The following COL25A1 variants were observed in gnomAD, a reference collection of about 807,000 sequenced individuals.
COL25A1 encodes collagen type XXV alpha 1 chain.
A neutral mutation model predicts 128.4 loss-of-function variants in COL25A1; 103 were observed. The ratio of observed to expected loss-of-function variants is 0.80; its 90% confidence interval spans 0.68 to 0.94. COL25A1 has a LOEUF of 0.94. COL25A1 is among the 40% of genes least tolerant of loss of function. COL25A1 has a pLI of 0.00. For missense variants in COL25A1, 745 were observed against 840.0 expected, an observed-to-expected ratio of 0.89 and a Z score of 1.40; for synonymous variants, 279 against 277.2, an observed-to-expected ratio of 1.01 and a Z score of -0.06.
At chr4:109,276,973 C>T (rs1722911467) in intron 3 of COL25A1, among the ~76,000 whole-genome samples, 1 of 152,142 alleles carries the variant, frequency 6.6e-6, no homozygotes, top group African/African-American at 2.4e-5. Context: ...TAAATGTTTC[C>T]ATTCTCTTCT....
intron 28 of COL25A1, 33 bp downstream of exon 28, chr4:108,846,104 TAA>T: frequency 7.5e-7 from 1 of 1,338,804 alleles, no homozygotes; most frequent in South Asian, 1.2e-5. Flanking sequence ...GAACATAATA[TAA>T]AAAGTATAAA....
At chr4:109,010,308 C>A (rs1413739537) in intron 6 of COL25A1, 50 bp downstream of exon 6, 4 of 1,474,500 alleles carry the variant, frequency 2.7e-6, no homozygotes, top group Non-Finnish European at 2.8e-6. Context: ...GACCTCCACA[C>A]TGGGAAAATC....
At chr4:109,102,237 G>A (rs976695809) in intron 3 of COL25A1, among the ~76,000 whole-genome samples, 1 of 151,952 alleles carries the variant, frequency 6.6e-6, no homozygotes, top group African/African-American at 2.4e-5. Flanking sequence ...TATACAGGTA[G>A]ATAAATATAT....
At chr4:109,087,034 C>G (rs1291267732) in intron 3 of COL25A1, among the ~76,000 whole-genome samples, 1 of 152,116 alleles carries the variant, frequency 6.6e-6, no homozygotes, top group African/African-American at 2.4e-5. Flanking sequence ...TGTGTGGGAT[C>G]CCTCCTACTC....
At chr4:109,012,666 C>T (rs1241778249) in intron 5 of COL25A1, among the ~76,000 whole-genome samples, 1 of 152,152 alleles carries the variant, frequency 6.6e-6, no homozygotes, top group Admixed American at 6.5e-5. Flanking sequence ...CACTGCTGGC[C>T]CGCCCGCACC....
chr4:108,851,345 T>C (rs1735758583), intron 26 of COL25A1, among the ~76,000 whole-genome samples: 1 of 152,104 alleles, frequency 6.6e-6, no homozygotes, highest in South Asian at 2.1e-4. Context: ...AATATTGTAA[T>C]TTATATTCCT....
intron 13 of COL25A1, among the ~76,000 whole-genome samples, chr4:108,914,437 T>C (rs1348291881): frequency 6.6e-6 from 1 of 152,276 alleles, no homozygotes; most frequent in East Asian, 1.9e-4. Flanking sequence ...ATGTGAAACA[T>C]GTGTTTCTCT....
chr4:109,251,677 T>C (rs953549498), intron 3 of COL25A1, among the ~76,000 whole-genome samples: 9 of 152,198 alleles, frequency 5.9e-5, no homozygotes, highest in African/African-American at 2.2e-4. Context: ...AGAAGCATTC[T>C]TCCTTTGGGA....
intron 3 of COL25A1, among the ~76,000 whole-genome samples, chr4:109,224,990 G>GTCA (rs1264362927): frequency 6.6e-6 from 1 of 152,040 alleles, no homozygotes; most frequent in African/African-American, 2.4e-5. Flanking sequence ...AAATACCTGA[G>GTCA]TCATACTCCC....
chr4:108,822,576 C>T (rs893833840), intron 35 of COL25A1, among the ~76,000 whole-genome samples: 4 of 151,922 alleles, frequency 2.6e-5, no homozygotes, highest in African/African-American at 7.3e-5. Flanking sequence ...GCCACCATGC[C>T]CCACCATATT....
rs1730596705 is a variant in COL25A1, at chr4:108,809,096, A to C, written c.*4831T>G. On this transcript the variant is annotated 3_prime_UTR_variant, in exon 38 of 38. Transcript: ENST00000399132. ...ACAGGTTTGTGCCATATTTACAGTGATAAGACACAACACATTCTTAGAATA... is the reference window on the plus strand; with the variant it reads ...ACAGGTTTGTGCCATATTTACAGTGCTAAGACACAACACATTCTTAGAATA... The C allele has an allele frequency of 6.6e-6, 1 of 152,162 alleles. No homozygotes were observed. The highest frequency in any genetic ancestry group is 2.4e-5 in the African/African-American group (1 of 41,430). The allele number at this position is 152,162 out of a possible 1,614,324, so 9.4% of individuals were successfully genotyped here.
At chr4:109,146,107 G>T (rs769767525) in intron 3 of COL25A1, among the ~76,000 whole-genome samples, 1 of 152,062 alleles carries the variant, frequency 6.6e-6, no homozygotes, top group Non-Finnish European at 1.5e-5. Flanking sequence ...AGTATCAAAA[G>T]AAATATTCAT....
In COL25A1 at chr4:109,127,939, G is replaced by T. The variant is rs1382543006; in HGVS notation, c.368-77760C>A. 3.3e-5 allele frequency among the ~76,000 whole-genome samples: 5 copies of T among 152,214 alleles called. No individual in the cohort carries two copies. The East Asian group carries it at 7.7e-4, about 24-fold the overall frequency. On this transcript the variant is annotated intron_variant, in intron 3 of 37. Transcript: ENST00000399132. ...TAAATTTTCAAAACTAATGAGAAAT[G>T]ACAGAGTTATTCTTTCCTATTGAGG...
chr4:109,013,307 C>T (rs558311917), intron 5 of COL25A1, among the ~76,000 whole-genome samples: 1 of 152,238 alleles, frequency 6.6e-6, no homozygotes, highest in South Asian at 2.1e-4. Context: ...TGTAAATACA[C>T]CAATCAGCAC....
At position 108,886,492 on chromosome 4, in the gene COL25A1, G is replaced by GTGTGTGTT. The variant is rs58157157; in HGVS notation, c.976-2271_976-2270insAACACACA. 4.1e-3 allele frequency among the ~76,000 whole-genome samples: 443 copies of GTGTGTGTT among 109,262 alleles called. 9 individuals carry two copies. The highest frequency in any genetic ancestry group is 0.011 in the East Asian group (44 of 4,052). The allele number at this position is 109,262 out of a possible 152,430, so 71.7% of individuals were successfully genotyped here. ...TGTGTGTGTGTGTGTGTGTGTGTGT[G>GTGTGTGTT]TTTAGCTCATCAGCTATTTTATGTG... is the stretch of plus-strand genomic sequence containing the variant. On this transcript the variant is annotated intron_variant, in intron 18 of 37. Coordinates refer to ENST00000399132, the MANE Select transcript of COL25A1 (RefSeq NM_198721.4).
At chr4:108,957,142 C>T (rs565906370) in intron 8 of COL25A1, among the ~76,000 whole-genome samples, 179 of 152,118 alleles carry the variant, frequency 1.2e-3, no homozygotes, top group Non-Finnish European at 1.8e-3. Flanking sequence ...TATCCAGGCC[C>T]ACCTGGATAA....
chr4:109,029,694 T>G (rs1266341703), intron 5 of COL25A1, among the ~76,000 whole-genome samples: 1 of 152,158 alleles, frequency 6.6e-6, no homozygotes, highest in Admixed American at 6.5e-5. Flanking sequence ...CTGAGGGTTT[T>G]GGAACATATC....
chr4:108,961,332 G>A (rs567367420), intron 8 of COL25A1, among the ~76,000 whole-genome samples: 2 of 152,220 alleles, frequency 1.3e-5, no homozygotes, highest in African/African-American at 4.8e-5. Flanking sequence ...AGTGAGAACT[G>A]AAATACGTTC....
chr4:109,225,953 T>A (rs1578488118), intron 3 of COL25A1, among the ~76,000 whole-genome samples: 1 of 151,668 alleles, frequency 6.6e-6, no homozygotes, highest in African/African-American at 2.4e-5. Flanking sequence ...AATATATGCA[T>A]ACTATTGTAA....
Sources: gnomAD v4.1 joint callset for allele counts (sites outside exome capture counted in the v4.1 genomes callset) on GRCh38, gnomAD v4.1.1 for gene constraint, MANE v1.5 for transcripts, NCBI Gene and HGNC (gene_info 2026-07-23, HGNC 2026-07-21) for gene names.